Variants in HM13 observed in about 807,000 individuals in gnomAD.
The protein encoded by HM13 is histocompatibility minor 13.
HM13 carries 18 observed loss-of-function variants against 50.0 expected under a neutral mutation model. The observed-to-expected ratio is 0.36, with a 90% confidence interval of 0.25 to 0.53. The LOEUF is 0.53. Ranked by LOEUF, HM13 falls within the 20% of genes least tolerant of loss-of-function variation. The pLI is 0.90. For synonymous variants in HM13, 197 were observed against 232.6 expected, an observed-to-expected ratio of 0.85 and a Z score of 1.39; for missense variants, 393 against 552.4, an observed-to-expected ratio of 0.71 and a Z score of 2.89.
chr20:31,521,854 CTT>C (rs368753723), intron 1 of HM13, among the ~76,000 whole-genome samples: 133 of 120,510 alleles, frequency 1.1e-3, no homozygotes, highest in Non-Finnish European at 9.4e-4. Context: ...GTCTCCCATT[CTT>C]TTTTTTTTTT....
chr20:31,553,584 T>C (rs944718927), intron 7 of HM13, among the ~76,000 whole-genome samples: 8 of 152,068 alleles, frequency 5.3e-5, no homozygotes, highest in Non-Finnish European at 8.8e-5. Context: ...AGCACAGAAC[T>C]AGGATTCAGA....
intron 8 of HM13, among the ~76,000 whole-genome samples, chr20:31,557,790 C>T (rs577904579): frequency 6.8e-6 from 1 of 146,640 alleles, no homozygotes; most frequent in African/African-American, 2.6e-5. Flanking sequence ...TCACTGCAAC[C>T]TCCACCTCCC....
At chr20:31,553,431 A>T (rs1984136088) in intron 7 of HM13, among the ~76,000 whole-genome samples, 1 of 152,148 alleles carries the variant, frequency 6.6e-6, no homozygotes, top group Admixed American at 6.5e-5. Context: ...ACACAAAACC[A>T]GGACTGGATT....
At chr20:31,543,147 G>A (rs921578288) in intron 3 of HM13, among the ~76,000 whole-genome samples, 2 of 152,216 alleles carry the variant, frequency 1.3e-5, no homozygotes, top group Non-Finnish European at 2.9e-5. Flanking sequence ...GAACCCTGCT[G>A]TGGGAGCCCA....
At chr20:31,568,408 C>A (rs1985056712) in intron 12 of HM13, 184 bp downstream of exon 12, 1 of 823,272 alleles carries the variant, frequency 1.2e-6, no homozygotes, top group Non-Finnish European at 1.8e-6. Context: ...AGCAGGACAA[C>A]CCCGAAGCTT....
intron 11 of HM13, chr20:31,567,777 T>C (rs902555060): frequency 2.2e-5 from 7 of 322,420 alleles, no homozygotes; most frequent in African/African-American, 1.5e-4. Flanking sequence ...GGTGGCATTC[T>C]TGGAGCATTC....
At chr20:31,522,092 A>G (rs770679387) in intron 1 of HM13, among the ~76,000 whole-genome samples, 13 of 152,084 alleles carry the variant, frequency 8.5e-5, no homozygotes, top group Admixed American at 4.6e-4. Context: ...TCACTGAATA[A>G]GATTAGGCCT....
At chr20:31,562,952 T>C (rs1984699141) in intron 10 of HM13, among the ~76,000 whole-genome samples, 1 of 152,124 alleles carries the variant, frequency 6.6e-6, no homozygotes, top group East Asian at 1.9e-4. Context: ...TCTCTGCAGC[T>C]CCCGGCCCCT....
intron 10 of HM13, among the ~76,000 whole-genome samples, chr20:31,565,287 T>A (rs1040406716): frequency 7.3e-5 from 11 of 151,284 alleles, no homozygotes; most frequent in Non-Finnish European, 1.6e-4. Flanking sequence ...GAGACCACCA[T>A]GGCGAACGTG....
At chr20:31,559,472 T>G in intron 8 of HM13, 139 bp from the exon 9 acceptor site, 97 of 837,290 alleles carry the variant, frequency 1.2e-4, no homozygotes, top group Non-Finnish European at 1.8e-4. Context: ...TGCTGTCACT[T>G]GAGAGTATTG....
At chr20:31,530,960 C>G (rs1982780227) in intron 2 of HM13, among the ~76,000 whole-genome samples, 1 of 152,242 alleles carries the variant, frequency 6.6e-6, no homozygotes, top group South Asian at 2.1e-4. Flanking sequence ...CTGACAGTTA[C>G]AAGTGTGCTG....
chr20:31,538,995 G>T, intron 3 of HM13: 3 of 840,544 alleles, frequency 3.6e-6, no homozygotes, highest in Non-Finnish European at 4.3e-6. Flanking sequence ...TAAGAAATTT[G>T]CTAGGATCAC....
chr20:31,535,000 G>C (rs1295562215), intron 2 of HM13, among the ~76,000 whole-genome samples: 2 of 151,860 alleles, frequency 1.3e-5, no homozygotes, highest in Non-Finnish European at 2.9e-5. Context: ...GCAGGAGAGT[G>C]GCGTGAACCC....
At chr20:31,538,320 C>A (rs1239872188) in intron 3 of HM13, 59 bp downstream of exon 3, 1 of 1,613,844 alleles carries the variant, frequency 6.2e-7, no homozygotes, top group South Asian at 1.1e-5. Context: ...AGTACAGGGT[C>A]TTGGATGAGA....
At chr20:31,538,543 G>C (rs1568787674) in intron 3 of HM13, 19 of 1,379,574 alleles carry the variant, frequency 1.4e-5, no homozygotes, top group Non-Finnish European at 1.7e-5. Flanking sequence ...TGTTAGTTGT[G>C]ACAGTACTCA....
chr20:31,516,719 G>C (rs1346261329), intron 1 of HM13, among the ~76,000 whole-genome samples: 4 of 152,172 alleles, frequency 2.6e-5, no homozygotes, highest in Non-Finnish European at 5.9e-5. Flanking sequence ...GAAAGCCTTA[G>C]CCTCTGAATA....
In HM13 at chr20:31,545,176, A is replaced by G. The variant is rs1410868773; in HGVS notation, c.454+141A>G. 10 of 696,786 alleles carry G rather than the reference A, an allele frequency of 1.4e-5. No individual in the cohort carries two copies. In the African/African-American group the frequency reaches 1.8e-4, roughly 12 times the overall value. The allele number at this position is 696,786 out of a possible 1,614,324, so 43.2% of individuals were successfully genotyped here. ...ATTCCATGGCCTGGATTCACATTCC[A>G]ACTCTGCTATTGTCTAGACATGGGA... On this transcript the variant is annotated intron_variant, in intron 4 of 12. Coordinates refer to ENST00000398174, the MANE Select transcript of HM13 (RefSeq NM_178581.3).
intron 4 of HM13, among the ~76,000 whole-genome samples, chr20:31,545,751 G>C (rs1983678154): frequency 1.3e-5 from 2 of 152,154 alleles, no homozygotes; most frequent in East Asian, 1.9e-4. Context: ...TTTTGAGACA[G>C]AGTCTTGTTC....
chr20:31,515,641 C>T (rs995800920), intron 1 of HM13, among the ~76,000 whole-genome samples: 3 of 152,132 alleles, frequency 2.0e-5, no homozygotes, highest in African/African-American at 7.2e-5. Context: ...CTGGGCCAGA[C>T]TCCATCCCTG....
Sources: allele counts gnomAD v4.1 joint callset (sites outside exome capture counted in the v4.1 genomes callset), GRCh38; gene constraint gnomAD v4.1.1; transcripts MANE v1.5; gene names NCBI Gene and HGNC (gene_info 2026-07-23, HGNC 2026-07-21).